The following KTN1 variants were observed in gnomAD, a reference collection of about 807,000 sequenced individuals.
KTN1 encodes the protein kinectin 1.
KTN1 carries 130 observed loss-of-function variants against 222.5 expected under a neutral mutation model. That is an observed-to-expected ratio of 0.58 (90% CI 0.51 to 0.68). The LOEUF is 0.68. Ranked by LOEUF, KTN1 falls within the 30% of genes least tolerant of loss-of-function variation. The pLI is 0.00. For synonymous variants in KTN1, 512 were observed against 496.3 expected, an observed-to-expected ratio of 1.03 and a Z score of -0.42; for missense variants, 1,508 against 1,500.4, an observed-to-expected ratio of 1.01 and a Z score of -0.08.
At position 55,619,321 on chromosome 14, in the gene KTN1, GT is replaced by G. The variant is rs1566725946; in HGVS notation, c.963+15del. 1 of 1,611,970 alleles carries G rather than the reference GT, an allele frequency of 6.2e-7. No homozygotes were observed. The highest frequency in any genetic ancestry group is 8.5e-7 in the Non-Finnish European group (1 of 1,179,288). On this transcript the variant is annotated intron_variant, in intron 5 of 43. Transcript: ENST00000395314. ...AAGATGCTTTAAAGAAGGTAAGCGT[GT>G]TTTTTGATTATGGGCATATTCATGA...
At chr14:55,604,709 A>G (rs879510509) in intron 1 of KTN1, among the ~76,000 whole-genome samples, 5 of 152,224 alleles carry the variant, frequency 3.3e-5, no homozygotes, top group African/African-American at 7.2e-5. Context: ...ACATATGGTC[A>G]GTGCTAAATA....
rs1181430409 is a variant in KTN1 at position 55,610,116 on chromosome 14, A to G, written c.-30-1903A>G. Among the ~76,000 whole-genome samples, 5 of 152,320 alleles carry G rather than the reference A, an allele frequency of 3.3e-5. No homozygotes were observed. In the East Asian group the frequency reaches 9.6e-4, roughly 29 times the overall value. On this transcript the variant is annotated intron_variant, in intron 1 of 43. Transcript: ENST00000395314. Reference sequence around the variant, plus strand: ...ATCTAGGGTATAACTAATACTATTAAAAAATTGCTTATGGAAGTATGAAAT... The same window carrying G: ...ATCTAGGGTATAACTAATACTATTAGAAAATTGCTTATGGAAGTATGAAAT...
chr14:55,658,484 T>C, intron 29 of KTN1, 62 bp from the exon 30 acceptor site: 1 of 946,642 alleles, frequency 1.1e-6, no homozygotes. Context: ...CTAGCTTGTA[T>C]GATCTAAGTT....
chr14:55,673,097 G>T (rs982679306), intron 39 of KTN1, 75 bp from the exon 40 acceptor site: 1 of 1,497,226 alleles, frequency 6.7e-7, no homozygotes, highest in African/African-American at 1.4e-5. Flanking sequence ...GTTGTTTGTG[G>T]CAGAGCTTCC....
intron 1 of KTN1, among the ~76,000 whole-genome samples, chr14:55,585,954 C>T (rs1249786374): frequency 6.6e-6 from 1 of 152,138 alleles, no homozygotes; most frequent in Non-Finnish European, 1.5e-5. Context: ...GTTTTCAGAA[C>T]TTATGTGAAT....
chr14:55,672,095 G>T (rs1246147945), intron 37 of KTN1: 1 of 480,046 alleles, frequency 2.1e-6, no homozygotes, highest in Non-Finnish European at 3.7e-6. Context: ...TGACTAAAGG[G>T]TAATCATATA....
intron 29 of KTN1, 68 bp from the exon 30 acceptor site, chr14:55,658,478 C>A: frequency 1.1e-6 from 1 of 907,796 alleles, no homozygotes; most frequent in Non-Finnish European, 1.8e-6. Flanking sequence ...CTGTTTCTAG[C>A]TTGTATGATC....
At chr14:55,614,375 A>G (rs1005123662) in intron 2 of KTN1, among the ~76,000 whole-genome samples, 1 of 152,178 alleles carries the variant, frequency 6.6e-6, no homozygotes, top group Non-Finnish European at 1.5e-5. Context: ...TGACAGAAGA[A>G]ACAAAGTTGA....
At chr14:55,654,737 C>A (rs1444656186) in intron 28 of KTN1, among the ~76,000 whole-genome samples, 1 of 152,030 alleles carries the variant, frequency 6.6e-6, no homozygotes, top group Non-Finnish European at 1.5e-5. Flanking sequence ...TTCATAGTTT[C>A]CATTAGGAAA....
intron 1 of KTN1, among the ~76,000 whole-genome samples, chr14:55,602,769 C>T (rs564155757): frequency 6.6e-6 from 1 of 152,078 alleles, no homozygotes; most frequent in Non-Finnish European, 1.5e-5. Flanking sequence ...TTTGTAGAGA[C>T]AGGGTTCTGC....
chr14:55,618,240 A>G, intron 4 of KTN1, 106 bp downstream of exon 4: 1 of 818,536 alleles, frequency 1.2e-6, no homozygotes, highest in Non-Finnish European at 1.8e-6. Flanking sequence ...ATTTCAAAAG[A>G]ATCAAATCCT....
At chr14:55,676,448 A>C (rs182305247) in intron 41 of KTN1, among the ~76,000 whole-genome samples, 97 of 152,294 alleles carry the variant, frequency 6.4e-4, no homozygotes, top group African/African-American at 2.2e-3. Context: ...TTAATAGTAG[A>C]ATTCACATAT....
At chr14:55,677,658 C>T (rs2046002624) in intron 41 of KTN1, among the ~76,000 whole-genome samples, 1 of 151,976 alleles carries the variant, frequency 6.6e-6, no homozygotes, top group Non-Finnish European at 1.5e-5. Flanking sequence ...CATATGATCT[C>T]TTTAGAATAT....
At chr14:55,641,781 C>T in intron 18 of KTN1, 21 bp downstream of exon 18, 1 of 1,398,450 alleles carries the variant, frequency 7.2e-7, no homozygotes, top group Non-Finnish European at 1.0e-6. Context: ...TCCTAAATTA[C>T]AAAGTAGAAA....
intron 38 of KTN1, 56 bp downstream of exon 38, chr14:55,672,757 G>A: frequency 8.2e-7 from 1 of 1,223,152 alleles, no homozygotes; most frequent in East Asian, 2.3e-5. Flanking sequence ...AGCATTAACG[G>A]TTGTCTGAAG....
intron 37 of KTN1, 103 bp downstream of exon 37, chr14:55,671,980 C>G (rs1449877411): frequency 1.4e-6 from 1 of 697,712 alleles, no homozygotes; most frequent in Non-Finnish European, 2.5e-6. Flanking sequence ...AACCCAGCTA[C>G]CAAATCCAAA....
intron 19 of KTN1, among the ~76,000 whole-genome samples, chr14:55,647,438 C>T (rs2042476830): frequency 6.6e-6 from 1 of 150,586 alleles, no homozygotes; most frequent in African/African-American, 2.4e-5. Flanking sequence ...GGTTTGAAAC[C>T]AGCCTGGCCA....
intron 14 of KTN1, 29 bp from the exon 15 acceptor site, chr14:55,640,345 A>G (rs2041645520): frequency 7.1e-7 from 1 of 1,406,944 alleles, no homozygotes; most frequent in Non-Finnish European, 1.0e-6. Flanking sequence ...TGTATTAAGT[A>G]TTTTAAATGC....
chr14:55,599,624 C>T (rs976873323), intron 1 of KTN1, among the ~76,000 whole-genome samples: 5 of 152,024 alleles, frequency 3.3e-5, no homozygotes, highest in Non-Finnish European at 5.9e-5. Context: ...AACAGGCTCC[C>T]GCCACCACGC....
Sources: allele counts gnomAD v4.1 joint callset (sites outside exome capture counted in the v4.1 genomes callset), GRCh38; gene constraint gnomAD v4.1.1; transcripts MANE v1.5; gene names NCBI Gene and HGNC (gene_info 2026-07-23, HGNC 2026-07-21).